C1orf21: variants seen among roughly 807,000 people sequenced by gnomAD.
The protein encoded by C1orf21 is uncharacterized protein C1orf21.
C1orf21 carries 3 observed loss-of-function variants against 18.7 expected under a neutral mutation model. That is an observed-to-expected ratio of 0.16 (90% CI 0.07 to 0.42). The LOEUF is 0.42. Among genes scored for constraint, C1orf21 ranks in the 10% least tolerant of loss-of-function variants. The pLI is 0.99. For missense variants in C1orf21, 104 were observed against 143.6 expected (o/e 0.72, Z 1.41); for synonymous variants, 41 against 46.4 (o/e 0.88, Z 0.47).
At chr1:184,610,690 C>CA (rs1384999658) in intron 5 of C1orf21, among the ~76,000 whole-genome samples, 7 of 151,846 alleles carry the variant, frequency 4.6e-5, no homozygotes, top group Non-Finnish European at 8.8e-5. Flanking sequence ...ACTAAAAATA[C>CA]AAAAAAATTT....
rs557207379 is a variant in C1orf21 at position 184,567,892 on chromosome 1, G to A, written c.190-22847G>A. ...TGAAAGTTCCAGGGGCTAATCTTGA[G>A]ACAATCAGGCATGAAGACTGAGCTG... On this transcript the variant is annotated intron_variant, in intron 3 of 5. Coordinates refer to ENST00000235307, the MANE Select transcript of C1orf21 (RefSeq NM_030806.4). The A allele has an allele frequency of 8.1e-4, 161 of 197,598 alleles. 4 individuals are homozygous for A. In the South Asian group the frequency reaches 0.016, roughly 20 times the overall value. 12.2% of individuals were successfully genotyped at this position (197,598 alleles called of 1,614,324 possible).
intron 3 of C1orf21, among the ~76,000 whole-genome samples, chr1:184,522,798 C>G (rs971506144): frequency 2.0e-5 from 3 of 152,158 alleles, no homozygotes; most frequent in African/African-American, 7.2e-5. Flanking sequence ...GGCAATTCCC[C>G]CACTTCAGCC....
At chr1:184,418,625 CTTGT>C in intron 1 of C1orf21, among the ~76,000 whole-genome samples, 1 of 152,300 alleles carries the variant, frequency 6.6e-6, no homozygotes, top group South Asian at 2.1e-4. Flanking sequence ...CTCCTCAGAA[CTTGT>C]TTGTGATCAA....
In C1orf21 at chr1:184,584,133, C is replaced by T. The variant is rs78844917; in HGVS notation, c.190-6606C>T. ...GTTGGTTTGTTTGCTTGTTCTTCTTCTTTTTTTTTTTTTTTTTTTTTTAAG... is the reference window on the plus strand; with the variant it reads ...GTTGGTTTGTTTGCTTGTTCTTCTTTTTTTTTTTTTTTTTTTTTTTTTAAG... On this transcript the variant is annotated intron_variant, in intron 3 of 5. Transcript: ENST00000235307. 1.7e-3 allele frequency among the ~76,000 whole-genome samples: 198 copies of T among 113,222 alleles called. 1 individual carries two copies. The highest frequency in any genetic ancestry group is 5.8e-3 in the African/African-American group (171 of 29,450). The allele number at this position is 113,222 out of a possible 152,430, so 74.3% of individuals were successfully genotyped here. A position where few individuals can be genotyped will look rare whatever the true frequency, so the allele number is the denominator to read the frequency against.
chr1:184,454,873 T>G (rs1194082250), intron 1 of C1orf21, among the ~76,000 whole-genome samples: 1 of 152,136 alleles, frequency 6.6e-6, no homozygotes, highest in East Asian at 1.9e-4. Context: ...CAGTGCTATA[T>G]AGATATATAT....
At chr1:184,531,768 A>T (rs1300342412) in intron 3 of C1orf21, among the ~76,000 whole-genome samples, 1 of 152,068 alleles carries the variant, frequency 6.6e-6, no homozygotes, top group Non-Finnish European at 1.5e-5. Context: ...TCAGTCAGAG[A>T]TGATCTCTTT....
At chr1:184,598,606 T>G (rs908310608) in intron 5 of C1orf21, 145 bp downstream of exon 5, 4 of 773,094 alleles carry the variant, frequency 5.2e-6, no homozygotes, top group Non-Finnish European at 8.2e-6. Flanking sequence ...GTCACCGCCC[T>G]TCCAAAATAA....
At chr1:184,507,480 C>A in intron 2 of C1orf21, 108 bp from the exon 3 acceptor site, 1 of 863,964 alleles carries the variant, frequency 1.2e-6, no homozygotes, top group African/African-American at 1.8e-5. Context: ...CATATGAAGG[C>A]CACAGGTGAA....
chr1:184,467,849 A>G (rs1657426310), intron 1 of C1orf21, among the ~76,000 whole-genome samples: 1 of 152,180 alleles, frequency 6.6e-6, no homozygotes. Flanking sequence ...GTCATATATC[A>G]TTTTATAAAT....
rs774601325 is a variant in C1orf21, at chr1:184,628,213, C to A, written c.*8657C>A. The A allele has an allele frequency of 1.3e-5, 2 of 152,168 alleles. No homozygotes were observed. The highest frequency in any genetic ancestry group is 4.8e-5 in the African/African-American group (2 of 41,440). 9.4% of individuals were successfully genotyped at this position (152,168 alleles called of 1,614,324 possible). On this transcript the variant is annotated 3_prime_UTR_variant, in exon 6 of 6. Transcript: ENST00000235307. ...CAAAGCAGTGGGCCCCCATCTGTTTCAATTACACATGCCTGTCAGCAAAAA... is the reference window on the plus strand; with the variant it reads ...CAAAGCAGTGGGCCCCCATCTGTTTAAATTACACATGCCTGTCAGCAAAAA...
chr1:184,420,023 T>C (rs1049317342), intron 1 of C1orf21, among the ~76,000 whole-genome samples: 6 of 152,168 alleles, frequency 3.9e-5, no homozygotes, highest in African/African-American at 1.4e-4. Context: ...GAGACGTAGA[T>C]GGCAGAGGAC....
chr1:184,505,340 T>TATATATATAC (rs1285554960), intron 2 of C1orf21, among the ~76,000 whole-genome samples: 41 of 118,666 alleles, frequency 3.5e-4, no homozygotes, highest in Non-Finnish European at 4.7e-4. Flanking sequence ...TATATATATA[T>TATATATATAC]ACACACATGC....
rs1035902630 is a variant in C1orf21, at chr1:184,497,105, C to A, written c.95-10483C>A. 4.6e-5 allele frequency among the ~76,000 whole-genome samples: 7 copies of A among 152,124 alleles called. No individual in the cohort carries two copies. In the East Asian group the frequency reaches 1.2e-3, roughly 25 times the overall value. ...AAACCTTCATGAATGAATCCTCATA[C>A]CCTCTCCTCAAAAGATAAATATTCA... On this transcript the variant is annotated intron_variant, in intron 2 of 5. Coordinates refer to ENST00000235307, the MANE Select transcript of C1orf21 (RefSeq NM_030806.4).
intron 1 of C1orf21, among the ~76,000 whole-genome samples, chr1:184,426,582 C>T (rs936745466): frequency 2.4e-4 from 37 of 152,180 alleles, no homozygotes; most frequent in African/African-American, 8.0e-4. Context: ...CTTCTTGAAA[C>T]GGTCTTCCTC....
chr1:184,404,862 G>T (rs1656220186), intron 1 of C1orf21, among the ~76,000 whole-genome samples: 1 of 152,136 alleles, frequency 6.6e-6, no homozygotes, highest in African/African-American at 2.4e-5. Context: ...TGGCCCTAAA[G>T]AATTTGATTG....
chr1:184,400,001 A>G (rs1013167564), intron 1 of C1orf21, among the ~76,000 whole-genome samples: 1 of 137,066 alleles, frequency 7.3e-6, no homozygotes, highest in Non-Finnish European at 1.5e-5. Context: ...AGTAGCCTCT[A>G]GAGGAAACCA....
At chr1:184,571,451 C>T (rs902054568) in intron 3 of C1orf21, among the ~76,000 whole-genome samples, 5 of 152,158 alleles carry the variant, frequency 3.3e-5, no homozygotes, top group Non-Finnish European at 7.3e-5. Flanking sequence ...GTATCAATGC[C>T]GGCTATATGT....
intron 3 of C1orf21, among the ~76,000 whole-genome samples, chr1:184,516,260 A>G (rs1187482717): frequency 1.3e-5 from 2 of 151,992 alleles, no homozygotes; most frequent in Admixed American, 1.3e-4. Context: ...ACCCTTTCAC[A>G]GTCATCAATT....
intron 5 of C1orf21, among the ~76,000 whole-genome samples, chr1:184,611,299 G>A (rs1039978935): frequency 4.6e-5 from 7 of 152,190 alleles, no homozygotes; most frequent in Non-Finnish European, 7.3e-5. Flanking sequence ...GACTATAAAC[G>A]AAAATGCTGC....
Sources: gnomAD v4.1 joint callset for allele counts (sites outside exome capture counted in the v4.1 genomes callset) on GRCh38, gnomAD v4.1.1 for gene constraint, MANE v1.5 for transcripts, NCBI Gene and HGNC (gene_info 2026-07-23, HGNC 2026-07-21) for gene names.